Variants in MPPED2 observed in about 807,000 individuals in gnomAD.
The protein encoded by MPPED2 is metallophosphoesterase MPPED2.
MPPED2 carries 5 observed loss-of-function variants against 33.0 expected under a neutral mutation model. That is an observed-to-expected ratio of 0.15 (90% CI 0.08 to 0.32). MPPED2 has a LOEUF of 0.32. Among genes scored for constraint, MPPED2 ranks in the 10% least tolerant of loss-of-function variants. The pLI is 1.00. For synonymous variants in MPPED2, 136 were observed against 141.9 expected, an observed-to-expected ratio of 0.96 and a Z score of 0.29; for missense variants, 275 against 372.1, an observed-to-expected ratio of 0.74 and a Z score of 2.15.
intron 4 of MPPED2, among the ~76,000 whole-genome samples, chr11:30,463,829 G>T (rs1391080022): frequency 2.0e-5 from 3 of 150,238 alleles, no homozygotes; most frequent in South Asian, 2.1e-4. Flanking sequence ...ACTGATATGG[G>T]ATTATGTCTA....
chr11:30,461,079 G>A (rs1481169555), intron 4 of MPPED2, among the ~76,000 whole-genome samples: 1 of 152,216 alleles, frequency 6.6e-6, no homozygotes, highest in Non-Finnish European at 1.5e-5. Context: ...GATGAATCTT[G>A]AGGGCATTAG....
chr11:30,437,875 C>A (rs1329977057), intron 4 of MPPED2, among the ~76,000 whole-genome samples: 1 of 152,002 alleles, frequency 6.6e-6, no homozygotes, highest in Non-Finnish European at 1.5e-5. Flanking sequence ...ACAACCTAAC[C>A]CAGTCCAACT....
chr11:30,387,606 T>C (rs955822925), exon 7 of MPPED2: 3 of 152,024 alleles, frequency 2.0e-5, no homozygotes, highest in Non-Finnish European at 2.9e-5. Flanking sequence ...AGGTGGTCCC[T>C]AGAACACTCA....
At chr11:30,494,938 C>T (rs541374026) in intron 4 of MPPED2, among the ~76,000 whole-genome samples, 5 of 151,990 alleles carry the variant, frequency 3.3e-5, no homozygotes, top group Middle Eastern at 3.4e-3. Context: ...AAAGTCTTCA[C>T]GAGGATGTGC....
Position 30,416,142 on chromosome 11 carries a change from G to A in MPPED2, c.652+1376C>T, listed in dbSNP as rs116177725. 4.6e-3 allele frequency among the ~76,000 whole-genome samples: 694 copies of A among 152,380 alleles called. 3 individuals carry two copies. Among genetic ancestry groups the A allele is most frequent in the African/African-American group, 0.016 (663 of 41,592 alleles). On this transcript the variant is annotated intron_variant, in intron 5 of 6. Transcript: ENST00000358117. ...TGTAATATTTTAAAACATGGGTTGA[G>A]GTGGTCTGGGGATGATGAAAAAGCA...
At chr11:30,385,178 T>A (rs1304476358) in exon 7 of MPPED2, 1 of 152,204 alleles carries the variant, frequency 6.6e-6, no homozygotes, top group Admixed American at 6.5e-5. Flanking sequence ...TGGAAGCCAA[T>A]TCAAAGGATA....
intron 2 of MPPED2, among the ~76,000 whole-genome samples, chr11:30,565,275 G>C (rs1432751760): frequency 2.6e-5 from 4 of 152,108 alleles, no homozygotes; most frequent in African/African-American, 9.7e-5. Context: ...TCCTGAGAGA[G>C]TGTTCCGGTT....
At chr11:30,490,259 T>C (rs1267883360) in intron 4 of MPPED2, among the ~76,000 whole-genome samples, 1 of 152,064 alleles carries the variant, frequency 6.6e-6, no homozygotes, top group Non-Finnish European at 1.5e-5. Flanking sequence ...AGCTCTCCCA[T>C]GGTACGAAGT....
intron 4 of MPPED2, among the ~76,000 whole-genome samples, chr11:30,474,217 G>A (rs555471885): frequency 5.9e-5 from 9 of 152,250 alleles, no homozygotes; most frequent in South Asian, 2.1e-4. Context: ...CCACCACCAC[G>A]GTTGAGAGTG....
rs1235883851 is a variant in MPPED2 at position 30,518,488 on chromosome 11, T to A, written c.310+17506A>T. Among the ~76,000 whole-genome samples the A allele has an allele frequency of 9.2e-5, 14 of 152,350 alleles. No homozygotes were observed. The East Asian group carries it at 2.7e-3, about 29-fold the overall frequency. On this transcript the variant is annotated intron_variant, in intron 3 of 6. Coordinates refer to ENST00000358117, the MANE Select transcript of MPPED2 (RefSeq NM_001584.3). ...GCCAAAATGAAAATGTGATACGTTT[T>A]TAATAAAGATGAGAAATTAAATGTG...
chr11:30,456,729 GT>G (rs1473755384), intron 4 of MPPED2, among the ~76,000 whole-genome samples: 1 of 152,152 alleles, frequency 6.6e-6, no homozygotes, highest in Non-Finnish European at 1.5e-5. Context: ...TTTTAGCCCA[GT>G]TTTTTCTCAT....
intron 2 of MPPED2, among the ~76,000 whole-genome samples, chr11:30,539,676 A>G (rs1442511614): frequency 6.6e-6 from 1 of 152,142 alleles, no homozygotes; most frequent in Non-Finnish European, 1.5e-5. Context: ...GCTGGAGTGC[A>G]GTGGTACAAT....
chr11:30,486,668 T>C (rs150457353), intron 4 of MPPED2, among the ~76,000 whole-genome samples: 4 of 152,322 alleles, frequency 2.6e-5, no homozygotes, highest in Non-Finnish European at 5.9e-5. Context: ...CTCACTGCCG[T>C]ACTGTGAGGT....
exon 7 of MPPED2, chr11:30,384,587 G>A (rs368304769): frequency 4.0e-5 from 6 of 150,380 alleles, no homozygotes; most frequent in African/African-American, 1.5e-4. Context: ...AAATTCTCCT[G>A]CCTCAGTCTC....
At chr11:30,488,557 T>C (rs1242885619) in intron 4 of MPPED2, among the ~76,000 whole-genome samples, 1 of 152,178 alleles carries the variant, frequency 6.6e-6, no homozygotes, top group Non-Finnish European at 1.5e-5. Context: ...GCTTTGGAAA[T>C]GGTATTTACT....
chr11:30,447,768 A>G (rs149540982), intron 4 of MPPED2, among the ~76,000 whole-genome samples: 2 of 152,302 alleles, frequency 1.3e-5, no homozygotes, highest in Non-Finnish European at 2.9e-5. Context: ...GGTCTGCTTC[A>G]GAATGAATCT....
At chr11:30,542,245 G>T (rs1189182958) in intron 2 of MPPED2, among the ~76,000 whole-genome samples, 1 of 151,764 alleles carries the variant, frequency 6.6e-6, no homozygotes, top group Non-Finnish European at 1.5e-5. Context: ...TTTTAGTTTT[G>T]CCCTGAAAAA....
chr11:30,500,134 C>T (rs1197982918), intron 3 of MPPED2, among the ~76,000 whole-genome samples: 1 of 152,192 alleles, frequency 6.6e-6, no homozygotes, highest in Non-Finnish European at 1.5e-5. Context: ...CTTCTACTCT[C>T]CTTCCAAAAG....
At chr11:30,481,799 C>T (rs1175477231) in intron 4 of MPPED2, among the ~76,000 whole-genome samples, 1 of 152,110 alleles carries the variant, frequency 6.6e-6, no homozygotes, top group African/African-American at 2.4e-5. Flanking sequence ...GTTCTTCTAT[C>T]TTAGGAGACT....
Sources: allele counts gnomAD v4.1 joint callset (sites outside exome capture counted in the v4.1 genomes callset), GRCh38; gene constraint gnomAD v4.1.1; transcripts MANE v1.5; gene names NCBI Gene and HGNC (gene_info 2026-07-23, HGNC 2026-07-21).